Variants in ATP2B2 observed in about 807,000 individuals in gnomAD.
ATP2B2 encodes the protein ATPase plasma membrane Ca2+ transporting 2, also known as plasma membrane calcium-transporting ATPase 2.
In ATP2B2, 15 loss-of-function variants were observed where a neutral mutation model predicts 120.0. The observed-to-expected ratio is 0.12, with a 90% CI of 0.08 to 0.19. The LOEUF is 0.19. Among genes scored for constraint, ATP2B2 ranks in the 10% least tolerant of loss-of-function variants. ATP2B2 has a pLI of 1.00. For synonymous variants in ATP2B2, 694 were observed against 700.3 expected (o/e 0.99, Z 0.14); for missense variants, 1,045 against 1,719.8 (o/e 0.61, Z 6.94).
chr3:10,457,335 T>C (rs2064303219), intron 1 of ATP2B2, among the ~76,000 whole-genome samples: 1 of 151,842 alleles, frequency 6.6e-6, no homozygotes, highest in Non-Finnish European at 1.5e-5. Flanking sequence ...TGGGAGTGCA[T>C]TATGGTGGTT....
chr3:10,667,970 G>T (rs1185346933), intron 1 of ATP2B2, among the ~76,000 whole-genome samples: 1 of 139,600 alleles, frequency 7.2e-6, no homozygotes, highest in Admixed American at 7.1e-5. Context: ...TTTCTAAAAA[G>T]AAATCACTGA....
At chr3:10,371,409 A>T (rs1309932580) in intron 12 of ATP2B2, among the ~76,000 whole-genome samples, 1 of 152,224 alleles carries the variant, frequency 6.6e-6, no homozygotes, top group Non-Finnish European at 1.5e-5. Flanking sequence ...CCTAGCTGAG[A>T]CCAGAAGAAC....
Position 10,450,131 on chromosome 3 carries a change from A to G in ATP2B2, c.-319-269T>C, listed in dbSNP as rs370877412. ...CTGTGGAACACACTGGCTTCACAACACACACACTGTGTGTACACACATCCC... is the reference window on the plus strand; with the variant it reads ...CTGTGGAACACACTGGCTTCACAACGCACACACTGTGTGTACACACATCCC... On this transcript the variant is annotated intron_variant, in intron 1 of 22. Transcript: ENST00000360273. 2.3e-4 allele frequency among the ~76,000 whole-genome samples: 35 copies of G among 152,158 alleles called. 1 individual carries two copies. In the East Asian group the frequency reaches 4.2e-3, roughly 18 times the overall value.
At chr3:10,439,417 C>A (rs1386589045) in intron 2 of ATP2B2, among the ~76,000 whole-genome samples, 1 of 152,158 alleles carries the variant, frequency 6.6e-6, no homozygotes, top group Non-Finnish European at 1.5e-5. Context: ...GCACCCTTTT[C>A]CTGCACAGTC....
chr3:10,379,086 A>T lies in ATP2B2; in HGVS notation c.1042+157T>A, dbSNP rs34987582. On this transcript the variant is annotated intron_variant, in intron 9 of 22. Coordinates refer to ENST00000360273, the MANE Select transcript of ATP2B2 (RefSeq NM_001001331.4). Reference sequence around the variant, plus strand: ...ACACCTCTTTATTTGGCCTGGCACCATGCAAATCACAGCTACACCCCCAAG... The same window carrying T: ...ACACCTCTTTATTTGGCCTGGCACCTTGCAAATCACAGCTACACCCCCAAG... Among the ~76,000 whole-genome samples the T allele has an allele frequency of 0.09, 13,754 of 152,226 alleles. 930 individuals are homozygous for T. The highest frequency in any genetic ancestry group is 0.29 in the East Asian group (1,477 of 5,168).
intron 2 of ATP2B2, among the ~76,000 whole-genome samples, chr3:10,425,481 C>T (rs1192250503): frequency 6.6e-6 from 1 of 152,140 alleles, no homozygotes; most frequent in Non-Finnish European, 1.5e-5. Flanking sequence ...TCACTTACTA[C>T]CTGTGTATCC....
intron 1 of ATP2B2, among the ~76,000 whole-genome samples, chr3:10,672,113 C>T (rs182675697): frequency 6.6e-6 from 1 of 152,330 alleles, no homozygotes; most frequent in Non-Finnish European, 1.5e-5. Context: ...GGTCTGCAAA[C>T]TCTTGGCGAT....
At chr3:10,590,970 C>T (rs1390517069) in intron 2 of ATP2B2, among the ~76,000 whole-genome samples, 4 of 152,016 alleles carry the variant, frequency 2.6e-5, no homozygotes, top group African/African-American at 9.7e-5. Context: ...CTCCAAAGCA[C>T]CTTCTTGTCC....
intron 1 of ATP2B2, among the ~76,000 whole-genome samples, chr3:10,638,269 T>C (rs750608300): frequency 2.0e-5 from 3 of 152,082 alleles, no homozygotes; most frequent in African/African-American, 4.8e-5. Flanking sequence ...AAAAAGATAA[T>C]GCTGCCTACA....
At chr3:10,395,479 C>T (rs934927589) in intron 5 of ATP2B2, among the ~76,000 whole-genome samples, 1 of 152,090 alleles carries the variant, frequency 6.6e-6, no homozygotes, top group Non-Finnish European at 1.5e-5. Context: ...CAGTGTCTAG[C>T]GGGAGAAGGC....
chr3:10,689,153 A>G (rs2071595172), intron 1 of ATP2B2, among the ~76,000 whole-genome samples: 1 of 152,166 alleles, frequency 6.6e-6, no homozygotes, highest in South Asian at 2.1e-4. Flanking sequence ...TAAGGAGCAA[A>G]TCCTTGCGTT....
At chr3:10,547,247 A>G (rs1025038663) in intron 2 of ATP2B2, among the ~76,000 whole-genome samples, 1 of 152,084 alleles carries the variant, frequency 6.6e-6, no homozygotes, top group Non-Finnish European at 1.5e-5. Flanking sequence ...CCCAGAACCG[A>G]CTGCCACTGA....
intron 1 of ATP2B2, among the ~76,000 whole-genome samples, chr3:10,663,302 G>C (rs1054449599): frequency 6.6e-6 from 1 of 152,084 alleles, no homozygotes; most frequent in Admixed American, 6.5e-5. Context: ...TCTGGAAATG[G>C]GAACACAGTT....
Position 10,340,165 on chromosome 3 carries a change from G to C in ATP2B2, c.3237+77C>G. The C allele has an allele frequency of 7.1e-7, 1 of 1,409,126 alleles. No homozygotes were observed. Among genetic ancestry groups the C allele is most frequent in the Non-Finnish European group, 1.0e-6 (1 of 1,003,670 alleles). 87.3% of individuals were successfully genotyped at this position (1,409,126 alleles called of 1,614,324 possible). On this transcript the variant is annotated intron_variant, in intron 21 of 22. Coordinates refer to ENST00000360273, the MANE Select transcript of ATP2B2 (RefSeq NM_001001331.4). The surrounding 1 kb of genome is among the most constrained non-coding windows in gnomAD (Gnocchi z 5.0). Reference sequence around the variant, plus strand: ...CTGGGGTCTGGCAGCCCATTCCTGGGGGTCCTGGATTCTCCATCCAGTGCT... The same window carrying C: ...CTGGGGTCTGGCAGCCCATTCCTGGCGGTCCTGGATTCTCCATCCAGTGCT...
At chr3:10,334,847 G>T (rs1217128514) in intron 22 of ATP2B2, among the ~76,000 whole-genome samples, 1 of 152,046 alleles carries the variant, frequency 6.6e-6, no homozygotes, top group African/African-American at 2.4e-5. Flanking sequence ...GGTTTTGGAT[G>T]GGGGTAGAGG....
At chr3:10,496,418 G>A (rs893762549) in intron 1 of ATP2B2, among the ~76,000 whole-genome samples, 6 of 152,172 alleles carry the variant, frequency 3.9e-5, no homozygotes, top group South Asian at 2.1e-4. Flanking sequence ...GAAGGCAGCC[G>A]TGGCCAATAA....
In ATP2B2 at chr3:10,329,193, G is replaced by A. The variant is rs2059915954; in HGVS notation, c.3421-68C>T. The A allele has an allele frequency of 2.3e-6, 3 of 1,299,222 alleles. No homozygotes were observed. The highest frequency in any genetic ancestry group is 2.4e-5 in the East Asian group (1 of 40,836). 80.5% of individuals were successfully genotyped at this position (1,299,222 alleles called of 1,614,324 possible). A position where few individuals can be genotyped will look rare whatever the true frequency, so the allele number is the denominator to read the frequency against. ...ACAGCCAGGCTCGGGGGGCTCACAGGAGGGGCGGGTGGGAGAAGGGTTAGG... is the reference window on the plus strand; with the variant it reads ...ACAGCCAGGCTCGGGGGGCTCACAGAAGGGGCGGGTGGGAGAAGGGTTAGG... On this transcript the variant is annotated intron_variant, in intron 22 of 22. Transcript: ENST00000360273. This position sits in a 1 kb window ranked among gnomAD's most constrained non-coding sequence, Gnocchi z 5.9.
chr3:10,638,266 T>C (rs1485921778), intron 1 of ATP2B2, among the ~76,000 whole-genome samples: 4 of 152,162 alleles, frequency 2.6e-5, no homozygotes, highest in Non-Finnish European at 5.9e-5. Flanking sequence ...TTAAAAAAGA[T>C]AATGCTGCCT....
At chr3:10,390,022 T>C (rs1035491306) in intron 5 of ATP2B2, among the ~76,000 whole-genome samples, 2 of 152,126 alleles carry the variant, frequency 1.3e-5, no homozygotes, top group Non-Finnish European at 2.9e-5. Context: ...CCTGTTTTTA[T>C]TTTTTTGCTA....
Sources: gnomAD v4.1 joint callset for allele counts (sites outside exome capture counted in the v4.1 genomes callset) on GRCh38, gnomAD v4.1.1 for gene constraint, Gnocchi (gnomAD v3.1) non-coding constraint, MANE v1.5 for transcripts, NCBI Gene and HGNC (gene_info 2026-07-23, HGNC 2026-07-21) for gene names.